PROS1: variants seen among roughly 807,000 people sequenced by gnomAD.
PROS1 encodes the protein vitamin K-dependent protein S.
PROS1 carries 29 observed loss-of-function variants against 75.9 expected under a neutral mutation model. That is an observed-to-expected ratio of 0.38 (90% confidence interval 0.28 to 0.52). PROS1 has a LOEUF of 0.52. PROS1 is among the 20% of genes least tolerant of loss of function. PROS1 has a pLI of 0.83. For missense variants in PROS1, 680 were observed against 810.3 expected, an observed-to-expected ratio of 0.84 and a Z score of 1.95; for synonymous variants, 245 against 280.6, an observed-to-expected ratio of 0.87 and a Z score of 1.27.
chr3:93,912,931 C>T (rs190042882), intron 3 of PROS1, among the ~76,000 whole-genome samples: 1 of 152,280 alleles, frequency 6.6e-6, no homozygotes, highest in Non-Finnish European at 1.5e-5. Flanking sequence ...AGTATTTGCT[C>T]CAGCCCCCAA....
chr3:93,943,088 G>A (rs536220956), intron 1 of PROS1, among the ~76,000 whole-genome samples: 10 of 152,192 alleles, frequency 6.6e-5, no homozygotes, highest in Non-Finnish European at 1.0e-4. Flanking sequence ...GTCCAATAAC[G>A]GACCGGCCTT....
chr3:93,944,679 C>A (rs1383935214), intron 1 of PROS1, among the ~76,000 whole-genome samples: 2 of 152,158 alleles, frequency 1.3e-5, no homozygotes, highest in Admixed American at 6.5e-5. Flanking sequence ...AAATTTATAG[C>A]ACTAAATGCC....
chr3:93,960,532 C>CTTTTTTTTTTTTT (rs774875701), intron 1 of PROS1, among the ~76,000 whole-genome samples: 2 of 50,118 alleles, frequency 4.0e-5, no homozygotes, highest in Non-Finnish European at 7.4e-5. Flanking sequence ...CTCCATTGCT[C>CTTTTTTTTTTTTT]TTTTTTTTTT....
intron 1 of PROS1, among the ~76,000 whole-genome samples, chr3:93,954,135 A>G (rs1407882725): frequency 5.3e-5 from 8 of 152,212 alleles, no homozygotes; most frequent in Non-Finnish European, 7.4e-5. Context: ...AATATCACGA[A>G]AATGGCCATA....
At chr3:93,891,325 T>C (rs1003857404) in intron 10 of PROS1, among the ~76,000 whole-genome samples, 3 of 152,156 alleles carry the variant, frequency 2.0e-5, no homozygotes, top group Non-Finnish European at 4.4e-5. Flanking sequence ...AGTAATCCCT[T>C]CAGAAAAGTC....
In PROS1 at chr3:93,884,818, G is replaced by C. The variant is rs1413815785; in HGVS notation, c.1402C>G (p.Gln468Glu). Reference protein sequence around the residue: ...QGASGIKEIIQEKQNKHCLVT... With the variant: ...QGASGIKEIIEEKQNKHCLVT... ...AGGCAATGCTTATTTTGTTTTTCTT[G>C]AATAATTTCCTTTATTCCAGAAGCT... Residue 468 changes from glutamine (Q) to glutamate (E), a missense_variant, in exon 12 of 15, where the codon CAA (glutamine) becomes GAA (glutamate). Transcript: ENST00000394236. 9.9e-6 allele frequency: 16 copies of C among 1,613,552 alleles called. No homozygotes were observed. Among genetic ancestry groups the C allele is most frequent in the Non-Finnish European group, 1.4e-5 (16 of 1,179,708 alleles).
At chr3:93,957,797 A>G (rs578211251) in intron 1 of PROS1, among the ~76,000 whole-genome samples, 114 of 152,286 alleles carry the variant, frequency 7.5e-4, no homozygotes, top group African/African-American at 2.7e-3. Flanking sequence ...AGAAATACCT[A>G]AGACTGGGCA....
chr3:93,957,074 CAT>C (rs930997198), intron 1 of PROS1, among the ~76,000 whole-genome samples: 1 of 151,738 alleles, frequency 6.6e-6, no homozygotes, highest in African/African-American at 2.4e-5. Flanking sequence ...ATAAGCAAAA[CAT>C]TGGAAATAAT....
At chr3:93,930,584 C>T (rs1709092429) in intron 1 of PROS1, among the ~76,000 whole-genome samples, 1 of 152,284 alleles carries the variant, frequency 6.6e-6, no homozygotes, top group South Asian at 2.1e-4. Flanking sequence ...AAGAACATCT[C>T]TTTCCCCGTA....
At chr3:93,890,177 A>C (rs1708411924) in intron 10 of PROS1, among the ~76,000 whole-genome samples, 2 of 152,252 alleles carry the variant, frequency 1.3e-5, no homozygotes, top group East Asian at 1.9e-4. Context: ...CAGGCTTATT[A>C]GGGTGGGGAA....
rs775946424 is a variant in PROS1, at chr3:93,931,257, CTCTTT to C, written c.77-3855_77-3851del. Among the ~76,000 whole-genome samples the C allele has an allele frequency of 1.6e-4, 25 of 152,282 alleles. 1 individual carries two copies. The highest frequency in any genetic ancestry group is 1.4e-3 in the Admixed American group (22 of 15,290). On this transcript the variant is annotated intron_variant, in intron 1 of 14. Transcript: ENST00000394236. ...ATATACCCATCCCCTTAGCCCAGTGCTCTTTTCTTGAGTGTATTCTGCTACTCAAA... is the reference window on the plus strand; with the variant it reads ...ATATACCCATCCCCTTAGCCCAGTGCTCTTGAGTGTATTCTGCTACTCAAA...
chr3:93,905,960 G>A, intron 5 of PROS1, 45 bp from the exon 6 acceptor site: 1 of 1,613,182 alleles, frequency 6.2e-7, no homozygotes, highest in Non-Finnish European at 8.5e-7. Flanking sequence ...AATATAACCT[G>A]CAGAGAACTT....
chr3:93,964,991 C>A (rs1709765494), intron 1 of PROS1, among the ~76,000 whole-genome samples: 1 of 152,174 alleles, frequency 6.6e-6, no homozygotes, highest in Non-Finnish European at 1.5e-5. Context: ...AAGGGGCTTG[C>A]AACTTAGCTC....
chr3:93,962,771 A>C (rs1709726144), intron 1 of PROS1, among the ~76,000 whole-genome samples: 1 of 152,180 alleles, frequency 6.6e-6, no homozygotes, highest in Non-Finnish European at 1.5e-5. Flanking sequence ...ACTCTTCAGC[A>C]AGAGTTTGGT....
chr3:93,961,217 C>T (rs539304877), intron 1 of PROS1, among the ~76,000 whole-genome samples: 1 of 152,148 alleles, frequency 6.6e-6, no homozygotes, highest in Non-Finnish European at 1.5e-5. Flanking sequence ...GGAGAAGGGA[C>T]AGAGAATGGT....
At position 93,884,637 on chromosome 3, in the gene PROS1, C is replaced by T; in HGVS notation, c.1492+91G>A. 4 of 1,391,178 alleles carry T rather than the reference C, an allele frequency of 2.9e-6. No homozygotes were observed. The South Asian group carries it at 3.7e-5, about 13-fold the overall frequency. The allele number at this position is 1,391,178 out of a possible 1,614,324, so 86.2% of individuals were successfully genotyped here. ...CTAGAGTGGGCACACAGTAGATACT[C>T]AATAATGTTTCACAAATAAATTATT... On this transcript the variant is annotated intron_variant, in intron 12 of 14. Coordinates refer to ENST00000394236, the MANE Select transcript of PROS1 (RefSeq NM_000313.4).
intron 13 of PROS1, among the ~76,000 whole-genome samples, chr3:93,878,412 A>G (rs1261805907): frequency 6.6e-6 from 1 of 152,216 alleles, no homozygotes; most frequent in Non-Finnish European, 1.5e-5. Flanking sequence ...TTTTACTACA[A>G]TAGACATTAT....
At chr3:93,933,874 T>C (rs1424260716) in intron 1 of PROS1, among the ~76,000 whole-genome samples, 1 of 152,076 alleles carries the variant, frequency 6.6e-6, no homozygotes, top group Non-Finnish European at 1.5e-5. Flanking sequence ...CTGGGCACGG[T>C]GGTGCGTGCT....
At chr3:93,919,211 A>T (rs1708907509) in intron 3 of PROS1, among the ~76,000 whole-genome samples, 1 of 152,220 alleles carries the variant, frequency 6.6e-6, no homozygotes. Flanking sequence ...GAATTGTGTG[A>T]TCATTAAATA....
Sources: gnomAD v4.1 joint callset for allele counts (sites outside exome capture counted in the v4.1 genomes callset) on GRCh38, gnomAD v4.1.1 for gene constraint, MANE v1.5 for transcripts, NCBI Gene and HGNC (gene_info 2026-07-23, HGNC 2026-07-21) for gene names.